The following MED15 variants were observed in gnomAD, a reference collection of about 807,000 sequenced individuals.
MED15 encodes mediator complex subunit 15.
In MED15, 41 loss-of-function variants were observed where a neutral mutation model predicts 118.7. The ratio of observed to expected loss-of-function variants is 0.35; its 90% confidence interval spans 0.27 to 0.45. The LOEUF is 0.45. Ranked by LOEUF, MED15 falls within the 20% of genes least tolerant of loss-of-function variation. The probability of loss-of-function intolerance (pLI) is 1.00; values close to 1 mark genes in which losing one functional copy is unlikely to be tolerated. For missense variants in MED15, 740 were observed against 1,025.5 expected (o/e 0.72, Z 3.80); for synonymous variants, 436 against 413.9 (o/e 1.05, Z -0.65).
chr22:20,515,052 T>C (rs1389987634), intron 1 of MED15, among the ~76,000 whole-genome samples: 1 of 152,204 alleles, frequency 6.6e-6, no homozygotes, highest in Non-Finnish European at 1.5e-5. Flanking sequence ...ATAGCCCCAG[T>C]GCCCCATAGG....
At chr22:20,544,560 G>A (rs1010919624) in intron 2 of MED15, among the ~76,000 whole-genome samples, 2 of 152,118 alleles carry the variant, frequency 1.3e-5, no homozygotes, top group South Asian at 2.1e-4. Context: ...CCAGCTACTC[G>A]GGAGGCTGAG....
intron 2 of MED15, among the ~76,000 whole-genome samples, chr22:20,550,582 C>T (rs186887566): frequency 6.6e-6 from 1 of 152,358 alleles, no homozygotes; most frequent in East Asian, 1.9e-4. Context: ...GTGAGCAGGG[C>T]ACGGAGCCGG....
rs1465696653 is a variant in MED15 at position 20,574,944 on chromosome 22, GT to G, written c.1153-168del. 4 of 838,026 alleles carry G rather than the reference GT, an allele frequency of 4.8e-6. No homozygotes were observed. In the East Asian group the frequency reaches 9.8e-5, roughly 21 times the overall value. The allele number at this position is 838,026 out of a possible 1,614,324, so 51.9% of individuals were successfully genotyped here. A position where few individuals can be genotyped will look rare whatever the true frequency, so the allele number is the denominator to read the frequency against. On this transcript the variant is annotated intron_variant, in intron 8 of 17. Coordinates refer to ENST00000263205, the MANE Select transcript of MED15 (RefSeq NM_001003891.3). Reference sequence around the variant, plus strand: ...ATGCCCAGACAGACCTGGAGGTGCTGTGGGCTTGAACATGTGGGTGGCCTCC... The same window carrying G: ...ATGCCCAGACAGACCTGGAGGTGCTGGGGCTTGAACATGTGGGTGGCCTCC...
rs749149986 is a variant in MED15, at chr22:20,554,912, A to G, written c.239-24A>G. ...CAGTCTGGTAGGCCCTTTCCTGAGA[A>G]GCTCTGCCCTTGTGTTCCCACAGAT... is the stretch of plus-strand genomic sequence containing the variant. On this transcript the variant is annotated intron_variant, in intron 4 of 17. Coordinates refer to ENST00000263205, the MANE Select transcript of MED15 (RefSeq NM_001003891.3). The G allele has an allele frequency of 2.5e-6, 4 of 1,576,092 alleles. No homozygotes were observed. The African/African-American group carries it at 5.4e-5, about 21-fold the overall frequency.
At chr22:20,532,740 C>CTTA (rs2054908981) in intron 1 of MED15, among the ~76,000 whole-genome samples, 3 of 152,184 alleles carry the variant, frequency 2.0e-5, no homozygotes, top group Admixed American at 2.0e-4. Flanking sequence ...TAGGCCTGTA[C>CTTA]TGTTTGTGAA....
intron 1 of MED15, among the ~76,000 whole-genome samples, chr22:20,535,872 CTTT>C (rs536712415): frequency 0.021 from 2,089 of 98,498 alleles, 52 homozygotes; most frequent in African/African-American, 0.075. Flanking sequence ...TTCTTTCTTT[CTTT>C]TTTTTTTTTT....
intron 16 of MED15, 28 bp downstream of exon 16, chr22:20,585,295 G>A (rs1452179829): frequency 2.5e-6 from 4 of 1,606,912 alleles, no homozygotes; most frequent in Non-Finnish European, 3.4e-6. Context: ...CGGGACTGGT[G>A]TGGGAAAGCA....
chr22:20,529,794 G>C (rs927147147), intron 1 of MED15, among the ~76,000 whole-genome samples: 2 of 152,134 alleles, frequency 1.3e-5, no homozygotes, highest in African/African-American at 2.4e-5. Context: ...GTTTCACCAT[G>C]TTGGCCAGTC....
At chr22:20,546,504 TTTTTTTG>T (rs1375583386) in intron 2 of MED15, among the ~76,000 whole-genome samples, 1 of 148,364 alleles carries the variant, frequency 6.7e-6, no homozygotes, top group African/African-American at 2.5e-5. Context: ...TACATGGAGT[TTTTTTTG>T]TTTTTTTTTT....
At chr22:20,551,747 C>T (rs1401540720) in intron 3 of MED15, 7 of 533,052 alleles carry the variant, frequency 1.3e-5, no homozygotes, top group Non-Finnish European at 2.4e-5. Flanking sequence ...GTTGCTGCTT[C>T]ACTTGCTCAC....
chr22:20,530,816 G>A (rs1409811535), intron 1 of MED15, among the ~76,000 whole-genome samples: 1 of 152,180 alleles, frequency 6.6e-6, no homozygotes, highest in South Asian at 2.1e-4. Context: ...AGCTCCAATG[G>A]GAGGGTGGCT....
chr22:20,583,008 A>T, intron 11 of MED15, 41 bp downstream of exon 11: 1 of 1,595,386 alleles, frequency 6.3e-7, no homozygotes, highest in Admixed American at 1.7e-5. Context: ...CCTCACCTTT[A>T]TGAGGCCTCA....
chr22:20,564,535 GCAGCAGCAGCAGCAGCAA>G lies in MED15; in HGVS notation c.547_564del (p.Gln183_Gln188del). The stretch of plus-strand genomic sequence containing the variant: ...AGCAGCAGCAGGCGGCGCTACAGCA[GCAGCAGCAGCAGCAGCAA>G]CAGCAGCAGTTCCAGGCTCAGCAGA... On this transcript the variant is annotated inframe_deletion, in exon 6 of 18. Transcript: ENST00000263205. The G allele has an allele frequency of 1.3e-6, 2 of 1,599,744 alleles. No individual in the cohort carries two copies. The highest frequency in any genetic ancestry group is 1.7e-6 in the Non-Finnish European group (2 of 1,168,974).
chr22:20,522,309 T>C (rs181915628), intron 1 of MED15: 7 of 152,174 alleles, frequency 4.6e-5, no homozygotes, highest in Admixed American at 4.6e-4. Flanking sequence ...ACCAGCAAAA[T>C]GTGAGGGAGT....
intron 1 of MED15, among the ~76,000 whole-genome samples, chr22:20,527,187 C>T (rs1312018494): frequency 6.6e-6 from 1 of 152,128 alleles, no homozygotes; most frequent in African/African-American, 2.4e-5. Context: ...CCCTACACTT[C>T]CTGTGCTGGA....
intron 1 of MED15, 150 bp downstream of exon 1, chr22:20,507,896 C>A (rs531593793): frequency 8.8e-6 from 13 of 1,474,092 alleles, no homozygotes; most frequent in South Asian, 2.7e-5. Flanking sequence ...CGGGCCCCCC[C>A]GTCTGTCCCC....
At chr22:20,578,804 C>T (rs1018034944) in intron 9 of MED15, among the ~76,000 whole-genome samples, 1 of 152,236 alleles carries the variant, frequency 6.6e-6, no homozygotes, top group Non-Finnish European at 1.5e-5. Context: ...TGCTCTTGCT[C>T]TTTCCTTGTG....
rs899740765 is a variant in MED15 at position 20,586,584 on chromosome 22, C to T, written c.2247C>T (p.Leu749=). The change falls in exon 18 of 18, where the codon CTC becomes CTT. Residue 749 remains leucine (L), a synonymous_variant. Transcript: ENST00000263205. ...RQWQYDANPF[L]QSVHRCMTSR... ...CTGTTGCAGACGCCAACCCCTTCCT[C>T]CAGTCGGTGCACCGCTGCATGACCT... The T allele has an allele frequency of 1.2e-6, 2 of 1,612,876 alleles. No homozygotes were observed. The highest frequency in any genetic ancestry group is 1.7e-6 in the Non-Finnish European group (2 of 1,179,886).
rs549653878 is a variant in MED15, at chr22:20,574,987, G to A, written c.1153-126G>A. The A allele has an allele frequency of 9.6e-4, 1,392 of 1,447,354 alleles. 2 individuals carry two copies. The highest frequency in any genetic ancestry group is 3.0e-3 in the Admixed American group (165 of 55,190). The allele number at this position is 1,447,354 out of a possible 1,614,324, so 89.7% of individuals were successfully genotyped here. A position where few individuals can be genotyped will look rare whatever the true frequency, so the allele number is the denominator to read the frequency against. ...GTGGCCTCCCCTCCCAGGCTGCCCC[G>A]AGCTGCCCAAGCTTTCCTTGCCCTG... is the stretch of plus-strand genomic sequence containing the variant. On this transcript the variant is annotated intron_variant, in intron 8 of 17. Coordinates refer to ENST00000263205, the MANE Select transcript of MED15 (RefSeq NM_001003891.3).
Sources: allele counts gnomAD v4.1 joint callset (sites outside exome capture counted in the v4.1 genomes callset), GRCh38; gene constraint gnomAD v4.1.1; transcripts MANE v1.5; gene names NCBI Gene and HGNC (gene_info 2026-07-23, HGNC 2026-07-21).